Variants in TTLL5 observed in about 807,000 individuals in gnomAD.
TTLL5 encodes tubulin polyglutamylase TTLL5.
A neutral mutation model predicts 168.4 loss-of-function variants in TTLL5; 132 were observed. That is an observed-to-expected ratio of 0.78 (90% CI 0.68 to 0.91). The LOEUF is 0.91. Ranked by LOEUF, TTLL5 falls within the 40% of genes least tolerant of loss-of-function variation. The pLI is 0.00. For synonymous variants in TTLL5, 546 were observed against 558.6 expected (o/e 0.98, Z 0.32); for missense variants, 1,545 against 1,581.5 (o/e 0.98, Z 0.39).
In TTLL5 at chr14:75,766,317, T is replaced by A. The variant is rs1361785399; in HGVS notation, c.1964T>A (p.Leu655Gln). The A allele has an allele frequency of 6.2e-7, 1 of 1,613,786 alleles. No individual in the cohort carries two copies. Among genetic ancestry groups the A allele is most frequent in the Non-Finnish European group, 8.5e-7 (1 of 1,179,948 alleles). The change falls in exon 20 of 32, where the codon CTA becomes CAA. Residue 655 changes from leucine to glutamine, a missense_variant. Leu to Gln is a moderately radical substitution (Grantham distance 113). Coordinates refer to ENST00000298832, the MANE Select transcript of TTLL5 (RefSeq NM_015072.5). ...TGCTGCAAACTTGAGACTCAGGAGC[T>A]AGAGCCTAAATTTAACCTGATGCAG... is the stretch of plus-strand genomic sequence containing the variant. Reference protein sequence around the residue: ...GHCCKLETQELEPKFNLMQIL... With the variant: ...GHCCKLETQEQEPKFNLMQIL...
intron 3 of TTLL5, among the ~76,000 whole-genome samples, chr14:75,679,981 A>G (rs750900927): frequency 6.6e-6 from 1 of 152,206 alleles, no homozygotes; most frequent in African/African-American, 2.4e-5. Flanking sequence ...CTTCACATAA[A>G]CTTGAAAGAG....
chr14:75,775,580 A>C lies in TTLL5; in HGVS notation c.2233A>C (p.Arg745=). The change falls in exon 22 of 32, where the codon AGA becomes CGA. Residue 745 remains arginine (R), a synonymous_variant. Transcript: ENST00000298832. ...PSRRLALLER[R]RILAHQLGDF... is the part of the protein sequence containing the mutation. ...TCGACGATTGGCACTTCTGGAACGC[A>C]GAAGAATCCTGGCCCACCAGCTGGG... The C allele has an allele frequency of 6.2e-7, 1 of 1,614,160 alleles. No individual in the cohort carries two copies. The highest frequency in any genetic ancestry group is 1.7e-5 in the Admixed American group (1 of 60,018).
chr14:75,673,295 T>G (rs1159143076), intron 3 of TTLL5, among the ~76,000 whole-genome samples: 1 of 152,228 alleles, frequency 6.6e-6, no homozygotes, highest in East Asian at 1.9e-4. Context: ...AACTTTTGCT[T>G]TCTCTTGTTT....
At chr14:75,674,152 A>C (rs1883966049) in intron 3 of TTLL5, among the ~76,000 whole-genome samples, 1 of 152,132 alleles carries the variant, frequency 6.6e-6, no homozygotes, top group Admixed American at 6.5e-5. Flanking sequence ...TTCTTTACAC[A>C]TTCCTGTGAT....
intron 31 of TTLL5, among the ~76,000 whole-genome samples, chr14:75,944,418 C>T (rs1185908237): frequency 6.6e-6 from 1 of 152,152 alleles, no homozygotes; most frequent in Non-Finnish European, 1.5e-5. Flanking sequence ...CCCCTGTCTC[C>T]CTTGGGCCTG....
chr14:75,692,560 T>G (rs1047456809), intron 6 of TTLL5, among the ~76,000 whole-genome samples: 1 of 152,158 alleles, frequency 6.6e-6, no homozygotes, highest in African/African-American at 2.4e-5. Context: ...AATAACTATG[T>G]GAAATGAGTC....
At chr14:75,784,150 T>A (rs1272552780) in intron 26 of TTLL5, among the ~76,000 whole-genome samples, 1 of 152,164 alleles carries the variant, frequency 6.6e-6, no homozygotes, top group African/African-American at 2.4e-5. Context: ...TTTCATCATC[T>A]CCAAAAGAAA....
intron 26 of TTLL5, among the ~76,000 whole-genome samples, 191 bp from the exon 27 acceptor site, chr14:75,792,725 A>G (rs1356136831): frequency 6.6e-6 from 1 of 152,206 alleles, no homozygotes; most frequent in Non-Finnish European, 1.5e-5. Flanking sequence ...CAGTTTGGTA[A>G]TAGGAAGAGT....
chr14:75,864,008 C>A, intron 29 of TTLL5, 146 bp downstream of exon 29: 1 of 783,734 alleles, frequency 1.3e-6, no homozygotes, highest in Non-Finnish European at 1.8e-6. Context: ...CATGGGGAGT[C>A]TACTCTTGAG....
At chr14:75,933,331 C>T (rs886299007) in intron 31 of TTLL5, among the ~76,000 whole-genome samples, 9 of 152,096 alleles carry the variant, frequency 5.9e-5, no homozygotes, top group East Asian at 3.9e-4. Flanking sequence ...GGTGTGGTTG[C>T]ATGTGCCTGT....
intron 14 of TTLL5, among the ~76,000 whole-genome samples, chr14:75,734,523 T>C (rs890624052): frequency 6.6e-6 from 1 of 152,178 alleles, no homozygotes; most frequent in African/African-American, 2.4e-5. Context: ...GGTGGGTATT[T>C]TGTGGGCTTG....
chr14:75,942,798 G>A (rs1566671015), intron 31 of TTLL5, among the ~76,000 whole-genome samples: 4 of 152,228 alleles, frequency 2.6e-5, no homozygotes, highest in African/African-American at 4.8e-5. Flanking sequence ...AAGTATAAGT[G>A]TGTTTGTTGG....
intron 26 of TTLL5, among the ~76,000 whole-genome samples, 168 bp from the exon 27 acceptor site, chr14:75,792,748 G>A (rs563876968): frequency 2.4e-4 from 36 of 152,174 alleles, no homozygotes; most frequent in South Asian, 1.5e-3. Flanking sequence ...CTAGGTTATG[G>A]TAACCATTTA....
At chr14:75,923,984 C>G (rs1361435456) in intron 31 of TTLL5, among the ~76,000 whole-genome samples, 4 of 150,190 alleles carry the variant, frequency 2.7e-5, no homozygotes, top group Non-Finnish European at 5.9e-5. Context: ...CTCTTTTGAT[C>G]TTTATTGGTT....
intron 31 of TTLL5, 75 bp from the exon 32 acceptor site, chr14:75,954,349 C>T: frequency 6.7e-7 from 1 of 1,499,740 alleles, no homozygotes; most frequent in Non-Finnish European, 9.3e-7. Flanking sequence ...GTTAGATAAA[C>T]CAGACATTGC....
rs185978047 is a variant in TTLL5 at position 75,704,943 on chromosome 14, A to G, written c.586-2075A>G. 1.1e-4 allele frequency among the ~76,000 whole-genome samples: 17 copies of G among 152,348 alleles called. No homozygotes were observed. The East Asian group carries it at 3.3e-3, about 29-fold the overall frequency. ...TTAGATGTGTCATGGAATGATGACC[A>G]CTATCAGCATATTCTCTGCTGTGGA... On this transcript the variant is annotated intron_variant, in intron 7 of 31. Transcript: ENST00000298832.
At chr14:75,844,102 C>T (rs958664740) in intron 28 of TTLL5, among the ~76,000 whole-genome samples, 2 of 151,686 alleles carry the variant, frequency 1.3e-5, no homozygotes, top group Admixed American at 6.6e-5. Context: ...AGGCCGGTCT[C>T]GAACTCCTGA....
At chr14:75,784,465 T>C (rs979989751) in intron 26 of TTLL5, among the ~76,000 whole-genome samples, 17 of 152,250 alleles carry the variant, frequency 1.1e-4, no homozygotes, top group Non-Finnish European at 1.6e-4. Flanking sequence ...TGTATGGATA[T>C]ACCACAATTT....
intron 27 of TTLL5, among the ~76,000 whole-genome samples, chr14:75,798,341 TTCTTC>T (rs1342482092): frequency 1.3e-5 from 2 of 152,170 alleles, no homozygotes; most frequent in Middle Eastern, 3.4e-3. Flanking sequence ...TCTTCTTTTC[TTCTTC>T]TCTTCTAATC....
Sources: gnomAD v4.1 joint callset for allele counts (sites outside exome capture counted in the v4.1 genomes callset) on GRCh38, gnomAD v4.1.1 for gene constraint, MANE v1.5 for transcripts, NCBI Gene and HGNC (gene_info 2026-07-23, HGNC 2026-07-21) for gene names.